Variants in CSMD3 observed in about 807,000 individuals in gnomAD.
CSMD3 encodes CUB and sushi domain-containing protein 3.
CSMD3 carries 177 observed loss-of-function variants against 435.2 expected under a neutral mutation model. That is an observed-to-expected ratio of 0.41 (90% CI 0.36 to 0.46). The LOEUF is 0.46. Among genes scored for constraint, CSMD3 ranks in the 20% least tolerant of loss-of-function variants. The probability of loss-of-function intolerance (pLI) is 0.34; values close to 1 mark genes in which losing one functional copy is unlikely to be tolerated. For missense variants in CSMD3, 4,265 were observed against 4,504.6 expected (o/e 0.95, Z 1.52); for synonymous variants, 1,656 against 1,520.5 (o/e 1.09, Z -2.07).
chr8:112,990,012 A>G (rs974517497), intron 6 of CSMD3, among the ~76,000 whole-genome samples: 1 of 151,962 alleles, frequency 6.6e-6, no homozygotes, highest in African/African-American at 2.4e-5. Flanking sequence ...GATCCCCTAC[A>G]CAAGCTCTTG....
intron 1 of CSMD3, among the ~76,000 whole-genome samples, chr8:113,355,640 A>G (rs1248019265): frequency 6.7e-6 from 1 of 149,810 alleles, no homozygotes; most frequent in African/African-American, 2.5e-5. Context: ...TTTTAGGGGG[A>G]CACAAACATT....
chr8:112,687,125 T>A (rs2076030219), intron 14 of CSMD3, among the ~76,000 whole-genome samples: 1 of 152,066 alleles, frequency 6.6e-6, no homozygotes, highest in African/African-American at 2.4e-5. Flanking sequence ...CAAAACATTT[T>A]GCTAAATTTC....
chr8:112,695,700 C>T (rs1319890632), intron 13 of CSMD3, among the ~76,000 whole-genome samples: 1 of 152,162 alleles, frequency 6.6e-6, no homozygotes, highest in Non-Finnish European at 1.5e-5. Context: ...CTCACCATTC[C>T]TATTCAACAT....
At position 112,926,747 on chromosome 8, in the gene CSMD3, G is replaced by A. The variant is rs971885037; in HGVS notation, c.1509-4996C>T. Among the ~76,000 whole-genome samples the A allele has an allele frequency of 9.2e-5, 14 of 151,924 alleles. 1 individual carries two copies. The highest frequency in any genetic ancestry group is 5.8e-4 in the East Asian group (3 of 5,176). On this transcript the variant is annotated intron_variant, in intron 9 of 70. Transcript: ENST00000297405. ...GGATATGAACAAATACAGAAATATGGAAGGACAGATAATAGTGCTTGGGTC... is the reference window on the plus strand; with the variant it reads ...GGATATGAACAAATACAGAAATATGAAAGGACAGATAATAGTGCTTGGGTC...
intron 4 of CSMD3, among the ~76,000 whole-genome samples, chr8:113,149,072 A>G (rs1564367013): frequency 6.6e-6 from 1 of 151,838 alleles, no homozygotes; most frequent in Non-Finnish European, 1.5e-5. Context: ...AATCAAGATC[A>G]AAATCTTCTG....
At chr8:113,172,891 G>C (rs1000483165) in intron 4 of CSMD3, among the ~76,000 whole-genome samples, 14 of 152,144 alleles carry the variant, frequency 9.2e-5, no homozygotes, top group African/African-American at 3.4e-4. Context: ...ATCCATCCAT[G>C]TGCTTAGCTA....
intron 8 of CSMD3, among the ~76,000 whole-genome samples, chr8:112,954,219 TA>T (rs1423162215): frequency 6.6e-6 from 1 of 151,566 alleles, no homozygotes; most frequent in African/African-American, 2.4e-5. Flanking sequence ...TTCATAGGTT[TA>T]TCTAAATTAC....
intron 6 of CSMD3, among the ~76,000 whole-genome samples, chr8:113,012,030 C>T (rs2131131704): frequency 6.6e-6 from 1 of 151,666 alleles, no homozygotes; most frequent in South Asian, 2.1e-4. Context: ...TTGAAGGAAA[C>T]TTGAAGAAAG....
chr8:112,713,357 A>AAAATAAATAAAT (rs71309785), intron 13 of CSMD3, among the ~76,000 whole-genome samples: 119 of 146,780 alleles, frequency 8.1e-4, no homozygotes, highest in South Asian at 4.7e-3. Flanking sequence ...ACAAGATTAG[A>AAAATAAATAAAT]AAATAAATAA....
intron 4 of CSMD3, among the ~76,000 whole-genome samples, chr8:113,149,064 T>A (rs2091745249): frequency 6.6e-6 from 1 of 151,738 alleles, no homozygotes; most frequent in Non-Finnish European, 1.5e-5. Flanking sequence ...TTTTATGGAA[T>A]CAAGATCAAA....
intron 10 of CSMD3, among the ~76,000 whole-genome samples, chr8:112,868,428 G>A (rs1041816606): frequency 2.6e-5 from 4 of 152,108 alleles, no homozygotes; most frequent in African/African-American, 7.2e-5. Context: ...GTACATAATT[G>A]TATGTGCCAT....
At chr8:113,049,437 G>A (rs2087990409) in intron 5 of CSMD3, among the ~76,000 whole-genome samples, 1 of 150,448 alleles carries the variant, frequency 6.6e-6, no homozygotes, top group Non-Finnish European at 1.5e-5. Context: ...CTTCTAAAAT[G>A]CAAGTCAGTG....
intron 60 of CSMD3, among the ~76,000 whole-genome samples, chr8:112,264,133 T>C (rs1816707622): frequency 6.6e-6 from 1 of 152,044 alleles, no homozygotes; most frequent in South Asian, 2.1e-4. Context: ...AAATTATTGG[T>C]TTTATATAAA....
intron 11 of CSMD3, among the ~76,000 whole-genome samples, chr8:112,844,042 A>G (rs1262234040): frequency 6.6e-6 from 1 of 151,876 alleles, no homozygotes; most frequent in Non-Finnish European, 1.5e-5. Context: ...TAAGCCACAT[A>G]AGTTTTCCAA....
intron 27 of CSMD3, among the ~76,000 whole-genome samples, chr8:112,518,073 T>C (rs887109546): frequency 6.6e-6 from 1 of 152,176 alleles, no homozygotes; most frequent in Admixed American, 6.5e-5. Context: ...GGAATATTAC[T>C]CAGTAATAAA....
intron 31 of CSMD3, among the ~76,000 whole-genome samples, chr8:112,482,046 C>CTT (rs1422332364): frequency 2.0e-5 from 3 of 151,990 alleles, no homozygotes; most frequent in Admixed American, 6.6e-5. Flanking sequence ...TAATCAGTGG[C>CTT]TTATAAACCA....
At chr8:112,860,421 A>G (rs557424380) in intron 10 of CSMD3, among the ~76,000 whole-genome samples, 34 of 151,800 alleles carry the variant, frequency 2.2e-4, no homozygotes, top group Non-Finnish European at 3.8e-4. Context: ...AAAAATAATA[A>G]ATTGTATTTT....
chr8:113,014,175 G>A (rs2086365403), intron 6 of CSMD3, among the ~76,000 whole-genome samples: 1 of 152,204 alleles, frequency 6.6e-6, no homozygotes, highest in East Asian at 1.9e-4. Context: ...CACAGCTAAC[G>A]TTCCTATTTC....
At chr8:113,229,546 C>G (rs1337960049) in intron 3 of CSMD3, among the ~76,000 whole-genome samples, 1 of 151,318 alleles carries the variant, frequency 6.6e-6, no homozygotes, top group East Asian at 1.9e-4. Context: ...CCCCACTATC[C>G]TAGAGACTTG....
Sources: allele counts gnomAD v4.1 joint callset (sites outside exome capture counted in the v4.1 genomes callset), GRCh38; gene constraint gnomAD v4.1.1; transcripts MANE v1.5; gene names NCBI Gene and HGNC (gene_info 2026-07-23, HGNC 2026-07-21).